The following RBMS3 variants were observed in gnomAD, a reference collection of about 807,000 sequenced individuals.
RBMS3 encodes the protein RNA binding motif single stranded interacting protein 3, also known as RNA-binding motif, single-stranded-interacting protein 3.
Under a neutral mutation model 66.8 loss-of-function variants are expected in RBMS3, and 27 were observed. The ratio of observed to expected loss-of-function variants is 0.40; its 90% CI spans 0.30 to 0.56. The LOEUF (loss-of-function observed/expected upper bound fraction) is 0.56. Ranked by LOEUF, RBMS3 falls within the 20% of genes least tolerant of loss-of-function variation. The pLI is 0.40. For synonymous variants in RBMS3, 188 were observed against 183.0 expected, an observed-to-expected ratio of 1.03 and a Z score of -0.22; for missense variants, 513 against 549.5, an observed-to-expected ratio of 0.93 and a Z score of 0.66.
chr3:29,473,717 A>G (rs1280050774), intron 2 of RBMS3, among the ~76,000 whole-genome samples: 2 of 152,236 alleles, frequency 1.3e-5, no homozygotes, highest in Non-Finnish European at 2.9e-5. Context: ...TGGGGGACCC[A>G]GTACACCCTC....
intron 3 of RBMS3, among the ~76,000 whole-genome samples, chr3:29,563,034 T>G (rs995606158): frequency 2.0e-5 from 3 of 152,176 alleles, no homozygotes; most frequent in African/African-American, 7.2e-5. Context: ...TATATGGTTG[T>G]AGATTTAACG....
intron 6 of RBMS3, among the ~76,000 whole-genome samples, chr3:29,848,866 A>T (rs1375176605): frequency 6.6e-6 from 1 of 152,222 alleles, no homozygotes; most frequent in Non-Finnish European, 1.5e-5. Context: ...ACTAAAACCT[A>T]CATAAAGAGA....
chr3:29,684,962 T>C (rs1438894393), intron 4 of RBMS3, among the ~76,000 whole-genome samples: 1 of 152,208 alleles, frequency 6.6e-6, no homozygotes. Context: ...TAGATTTTAA[T>C]TTTCCTGTTA....
At chr3:29,323,691 T>TACACACACACAC (rs10565045) in intron 1 of RBMS3, among the ~76,000 whole-genome samples, 5 of 144,358 alleles carry the variant, frequency 3.5e-5, no homozygotes, top group African/African-American at 1.0e-4. Flanking sequence ...CACACACACA[T>TACACACACACAC]ACACACACAC....
chr3:29,409,775 T>A (rs2040186665), intron 1 of RBMS3, among the ~76,000 whole-genome samples: 1 of 152,222 alleles, frequency 6.6e-6, no homozygotes, highest in Non-Finnish European at 1.5e-5. Flanking sequence ...GAAGCATCAA[T>A]GTGCCTGCCT....
At chr3:29,858,194 C>A (rs1202192040) in intron 6 of RBMS3, among the ~76,000 whole-genome samples, 1 of 151,600 alleles carries the variant, frequency 6.6e-6, no homozygotes, top group African/African-American at 2.4e-5. Context: ...TTTACATGTC[C>A]TTTTTCCATT....
chr3:29,393,903 G>A (rs1278318242), intron 1 of RBMS3, among the ~76,000 whole-genome samples: 1 of 152,090 alleles, frequency 6.6e-6, no homozygotes, highest in African/African-American at 2.4e-5. Context: ...AAGATCACAA[G>A]GGCAGAGATG....
intron 1 of RBMS3, among the ~76,000 whole-genome samples, chr3:29,314,916 A>G (rs1467429920): frequency 6.6e-6 from 1 of 151,650 alleles, no homozygotes; most frequent in African/African-American, 2.4e-5. Context: ...GAGATCAGTA[A>G]GAAATATGCC....
intron 1 of RBMS3, among the ~76,000 whole-genome samples, chr3:29,341,717 A>T (rs1423295573): frequency 6.6e-6 from 1 of 152,086 alleles, no homozygotes; most frequent in Admixed American, 6.6e-5. Context: ...AACTAACAGC[A>T]TGCATTTGTC....
chr3:29,438,374 C>T (rs542463539), intron 2 of RBMS3, among the ~76,000 whole-genome samples: 1 of 151,904 alleles, frequency 6.6e-6, no homozygotes, highest in Non-Finnish European at 1.5e-5. Flanking sequence ...AAGGCATAGA[C>T]ATATTGGATT....
At chr3:29,367,340 A>G (rs2037964842) in intron 1 of RBMS3, among the ~76,000 whole-genome samples, 5 of 152,142 alleles carry the variant, frequency 3.3e-5, no homozygotes, top group Admixed American at 6.5e-5. Context: ...AACCTGAAAA[A>G]CAGTTGGGAT....
intron 4 of RBMS3, among the ~76,000 whole-genome samples, chr3:29,661,313 G>A (rs2050538527): frequency 6.6e-6 from 1 of 152,116 alleles, no homozygotes; most frequent in South Asian, 2.1e-4. Flanking sequence ...TCTGCTGGTT[G>A]TGTATAGAAT....
At chr3:29,406,972 T>C (rs577572840) in intron 1 of RBMS3, among the ~76,000 whole-genome samples, 34 of 152,314 alleles carry the variant, frequency 2.2e-4, no homozygotes, top group Non-Finnish European at 4.4e-4. Context: ...ACTTTGTGAG[T>C]TAGATTACTA....
intron 6 of RBMS3, among the ~76,000 whole-genome samples, chr3:29,802,577 A>G (rs912278938): frequency 6.6e-6 from 1 of 152,216 alleles, no homozygotes; most frequent in Non-Finnish European, 1.5e-5. Flanking sequence ...GACAAATAGC[A>G]TGTGCCCACG....
intron 3 of RBMS3, among the ~76,000 whole-genome samples, chr3:29,542,130 G>A (rs1235163769): frequency 6.6e-6 from 1 of 152,206 alleles, no homozygotes; most frequent in Non-Finnish European, 1.5e-5. Context: ...TGTCCAGGAT[G>A]TAGAACATTC....
chr3:29,814,645 G>C (rs556872417), intron 6 of RBMS3, among the ~76,000 whole-genome samples: 1 of 152,222 alleles, frequency 6.6e-6, no homozygotes, highest in Admixed American at 6.5e-5. Context: ...ACTGATTATT[G>C]CCACAATTTC....
At chr3:30,001,811 T>G (rs1459468927) in intron 14 of RBMS3, among the ~76,000 whole-genome samples, 1 of 146,998 alleles carries the variant, frequency 6.8e-6, no homozygotes, top group Non-Finnish European at 1.5e-5. Context: ...TTTTATTTAT[T>G]TATTTTATTT....
At chr3:29,600,057 A>G (rs2149114876) in intron 4 of RBMS3, among the ~76,000 whole-genome samples, 1 of 152,298 alleles carries the variant, frequency 6.6e-6, no homozygotes, top group Middle Eastern at 3.4e-3. Flanking sequence ...AATGTACACT[A>G]GTTAAAACAA....
At chr3:29,907,165 G>T (rs1042115656) in intron 10 of RBMS3, among the ~76,000 whole-genome samples, 1 of 152,050 alleles carries the variant, frequency 6.6e-6, no homozygotes, top group Non-Finnish European at 1.5e-5. Context: ...CTTGCAAAAT[G>T]TTTGGTTGAT....
Sources: allele counts gnomAD v4.1 joint callset (sites outside exome capture counted in the v4.1 genomes callset), GRCh38; gene constraint gnomAD v4.1.1; transcripts MANE v1.5; gene names NCBI Gene and HGNC (gene_info 2026-07-23, HGNC 2026-07-21).